HS3ST4: variants seen among roughly 807,000 people sequenced by gnomAD.
The protein encoded by HS3ST4 is heparan sulfate-glucosamine 3-sulfotransferase 4.
HS3ST4 carries 17 observed loss-of-function variants against 29.2 expected under a neutral mutation model. That is an observed-to-expected ratio of 0.58 (90% CI 0.40 to 0.87). The LOEUF (loss-of-function observed/expected upper bound fraction) is 0.87, where lower values mean the gene tolerates loss of function less well. HS3ST4 is among the 40% of genes least tolerant of loss of function. The probability of loss-of-function intolerance (pLI) is 0.00; values close to 1 mark genes in which losing one functional copy is unlikely to be tolerated. For synonymous variants in HS3ST4, 314 were observed against 285.7 expected, an observed-to-expected ratio of 1.10 and a Z score of -1.00; for missense variants, 627 against 634.5, an observed-to-expected ratio of 0.99 and a Z score of 0.13.
intron 1 of HS3ST4, among the ~76,000 whole-genome samples, chr16:26,132,522 A>C (rs1321139194): frequency 6.6e-6 from 1 of 152,200 alleles, no homozygotes; most frequent in African/African-American, 2.4e-5. Flanking sequence ...GCAGTAAGTT[A>C]GGCACACATC....
intron 1 of HS3ST4, among the ~76,000 whole-genome samples, chr16:26,088,777 G>A (rs1419802765): frequency 6.6e-6 from 1 of 152,152 alleles, no homozygotes; most frequent in African/African-American, 2.4e-5. Context: ...CAAGTATGCT[G>A]CATCTCCTCC....
chr16:26,035,619 T>C (rs1455421518), intron 1 of HS3ST4, among the ~76,000 whole-genome samples: 2 of 152,224 alleles, frequency 1.3e-5, no homozygotes, highest in Non-Finnish European at 2.9e-5. Context: ...TAAAAGTCAC[T>C]TGAGTCTGTC....
intron 1 of HS3ST4, among the ~76,000 whole-genome samples, chr16:25,772,811 T>G (rs72778961): frequency 0.1 from 15,149 of 152,226 alleles, 1,015 homozygotes; most frequent in Non-Finnish European, 0.15. Context: ...TTTTCACACC[T>G]GTAATGTTAC....
intron 1 of HS3ST4, among the ~76,000 whole-genome samples, chr16:26,114,907 C>T (rs4294821): frequency 0.41 from 62,582 of 151,800 alleles, 13,326 homozygotes; most frequent in African/African-American, 0.51. Flanking sequence ...AGAAAATGCA[C>T]AAAGAGACAT....
rs147713309 is a variant in HS3ST4 at position 26,119,032 on chromosome 16, C to T, written c.735-16580C>T. On this transcript the variant is annotated intron_variant, in intron 1 of 1. Coordinates refer to ENST00000331351, the MANE Select transcript of HS3ST4 (RefSeq NM_006040.3). ...TACTCAATCCTCACAATAATAGTAT[C>T]AATGAAACATTATTCTTATCGTTAG... 7.2e-3 allele frequency among the ~76,000 whole-genome samples: 1,099 copies of T among 152,310 alleles called. 18 individuals carry two copies. The highest frequency in any genetic ancestry group is 0.025 in the African/African-American group (1,043 of 41,566).
At chr16:26,028,578 AG>A (rs982871907) in intron 1 of HS3ST4, among the ~76,000 whole-genome samples, 16 of 152,106 alleles carry the variant, frequency 1.1e-4, no homozygotes, top group Non-Finnish European at 1.9e-4. Context: ...AGCCTGAGAG[AG>A]GCTTCTTGAT....
At chr16:25,797,292 G>T (rs1321697998) in intron 1 of HS3ST4, among the ~76,000 whole-genome samples, 1 of 152,154 alleles carries the variant, frequency 6.6e-6, no homozygotes, top group Non-Finnish European at 1.5e-5. Flanking sequence ...TTAATCTCAG[G>T]CAGTATGATA....
At chr16:26,030,004 C>G (rs1969517672) in intron 1 of HS3ST4, among the ~76,000 whole-genome samples, 1 of 152,218 alleles carries the variant, frequency 6.6e-6, no homozygotes, top group Non-Finnish European at 1.5e-5. Flanking sequence ...ATCGTTCGCT[C>G]TTTGTGAGAG....
At chr16:25,702,202 A>G (rs893950308) in intron 1 of HS3ST4, among the ~76,000 whole-genome samples, 6 of 152,350 alleles carry the variant, frequency 3.9e-5, no homozygotes, top group South Asian at 2.1e-4. Context: ...AGTAATTTTA[A>G]CTTTTCCTTT....
rs530383703 is a variant in HS3ST4 at position 25,799,869 on chromosome 16, G to C, written c.734+106718G>C. Among the ~76,000 whole-genome samples the C allele has an allele frequency of 2.8e-4, 42 of 151,766 alleles. No individual in the cohort carries two copies. In the Middle Eastern group the frequency reaches 0.017, roughly 61 times the overall value. ...CTATCTATCCATTTTTTTAGAAATGGGTATCTCACTATGTTGGTCAGGCTA... is the reference window on the plus strand; with the variant it reads ...CTATCTATCCATTTTTTTAGAAATGCGTATCTCACTATGTTGGTCAGGCTA... On this transcript the variant is annotated intron_variant, in intron 1 of 1. Transcript: ENST00000331351.
At chr16:25,819,966 G>A (rs8050340) in intron 1 of HS3ST4, among the ~76,000 whole-genome samples, 35,976 of 127,896 alleles carry the variant, frequency 0.28, 5,080 homozygotes, top group African/African-American at 0.34. Flanking sequence ...AGCCGAGATC[G>A]TGCCACTGCA....
At chr16:25,969,928 C>G (rs1968879858) in intron 1 of HS3ST4, among the ~76,000 whole-genome samples, 1 of 152,190 alleles carries the variant, frequency 6.6e-6, no homozygotes, top group Admixed American at 6.5e-5. Flanking sequence ...GGGGCTTTCC[C>G]AGGTACAAAG....
chr16:25,924,849 C>G (rs139381275), intron 1 of HS3ST4, among the ~76,000 whole-genome samples: 2 of 152,242 alleles, frequency 1.3e-5, no homozygotes, highest in East Asian at 1.9e-4. Flanking sequence ...ATCAAGGCCC[C>G]TGGTCTGGCA....
chr16:26,135,774 G>C lies in HS3ST4; in HGVS notation c.897G>C (p.Thr299=), dbSNP rs768005203. Residue 299 remains threonine, a synonymous_variant, in exon 2 of 2, where the codon ACG becomes ACC. Coordinates refer to ENST00000331351, the MANE Select transcript of HS3ST4 (RefSeq NM_006040.3). ...NPVTRAISDY[T]QTLSKKPEIP... Reference sequence around the variant, plus strand: ...TGACCAGGGCCATCTCTGACTACACGCAGACACTGTCAAAGAAACCCGAGA... The same window carrying C: ...TGACCAGGGCCATCTCTGACTACACCCAGACACTGTCAAAGAAACCCGAGA... 1 of 1,610,082 alleles carries C rather than the reference G, an allele frequency of 6.2e-7. No individual in the cohort carries two copies. The highest frequency in any genetic ancestry group is 8.5e-7 in the Non-Finnish European group (1 of 1,178,456).
At chr16:25,926,041 C>T (rs964621836) in intron 1 of HS3ST4, among the ~76,000 whole-genome samples, 1 of 144,882 alleles carries the variant, frequency 6.9e-6, no homozygotes, top group Non-Finnish European at 1.5e-5. Flanking sequence ...GAAATGGCAC[C>T]GTTAAAAAAA....
At chr16:26,040,467 C>T (rs973982947) in intron 1 of HS3ST4, among the ~76,000 whole-genome samples, 3 of 152,018 alleles carry the variant, frequency 2.0e-5, no homozygotes, top group Non-Finnish European at 2.9e-5. Context: ...ACACGCCCAG[C>T]TAATTTTTTG....
intron 1 of HS3ST4, among the ~76,000 whole-genome samples, chr16:26,084,605 GAAA>G (rs1222939208): frequency 1.1e-4 from 17 of 149,988 alleles, no homozygotes; most frequent in African/African-American, 4.0e-4. Context: ...TCAAATGGTT[GAAA>G]AAAATTTTTT....
chr16:26,059,353 A>G (rs547798265), intron 1 of HS3ST4, among the ~76,000 whole-genome samples: 1 of 151,744 alleles, frequency 6.6e-6, no homozygotes, highest in South Asian at 2.1e-4. Flanking sequence ...TATTGATCAC[A>G]GAGTGTGATA....
chr16:25,693,270 G>T, intron 1 of HS3ST4, 119 bp downstream of exon 1: 2 of 1,132,780 alleles, frequency 1.8e-6, no homozygotes, highest in Non-Finnish European at 2.4e-6. Flanking sequence ...AAGCCCCCGC[G>T]AGGGCTCTGC....
Sources: allele counts gnomAD v4.1 joint callset (sites outside exome capture counted in the v4.1 genomes callset), GRCh38; gene constraint gnomAD v4.1.1; transcripts MANE v1.5; gene names NCBI Gene and HGNC (gene_info 2026-07-23, HGNC 2026-07-21).